Variants in RASSF3 observed in about 807,000 individuals in gnomAD.
RASSF3 encodes ras association domain-containing protein 3.
Under a neutral mutation model 19.9 loss-of-function variants are expected in RASSF3, and 19 were observed. The ratio of observed to expected loss-of-function variants is 0.96; its 90% confidence interval spans 0.67 to 1.40. The LOEUF (loss-of-function observed/expected upper bound fraction) is 1.40. Ranked by LOEUF, RASSF3 falls within the 40% of genes most tolerant of loss-of-function variation. RASSF3 has a pLI of 0.00. For synonymous variants in RASSF3, 110 were observed against 104.2 expected (o/e 1.06, Z -0.34); for missense variants, 306 against 289.8 (o/e 1.06, Z -0.41).
intron 2 of RASSF3, among the ~76,000 whole-genome samples, chr12:64,561,769 C>T (rs189763587): frequency 1.4e-5 from 2 of 140,206 alleles, no homozygotes; most frequent in East Asian, 2.1e-4. Flanking sequence ...CTCAGCTCAC[C>T]GCAACCTCCA....
chr12:64,684,721 G>T (rs972529211), intron 1 of RASSF3, 66 bp from the exon 2 acceptor site: 3 of 1,080,654 alleles, frequency 2.8e-6, no homozygotes, highest in Admixed American at 3.5e-5. Context: ...GTGAGCCACT[G>T]CGCCCGGCCT....
Position 64,539,299 on chromosome 12 carries a change from C to T in RASSF3, c.68-2282C>T, listed in dbSNP as rs1052243480. On this transcript the variant is annotated intron_variant, in intron 1 of 1. Transcript: ENST00000636333. The stretch of plus-strand genomic sequence containing the variant: ...ACTCTTCTTATAAAGCCACCGGTCT[C>T]ATCATGGGGGCCCTACCCTGATGGC... Among the ~76,000 whole-genome samples the T allele has an allele frequency of 2.6e-5, 4 of 152,180 alleles. No individual in the cohort carries two copies. In the East Asian group the frequency reaches 7.7e-4, roughly 29 times the overall value.
intron 1 of RASSF3, among the ~76,000 whole-genome samples, chr12:64,626,964 G>T (rs1342797505): frequency 1.3e-5 from 2 of 152,156 alleles, no homozygotes; most frequent in Admixed American, 1.3e-4. Context: ...TTTTAATTTT[G>T]GATCTGTTAT....
chr12:64,562,642 G>A (rs201553758), intron 2 of RASSF3, among the ~76,000 whole-genome samples: 17 of 74,840 alleles, frequency 2.3e-4, no homozygotes, highest in African/African-American at 5.4e-4. Context: ...TATTTTTGAG[G>A]CAGGGTCTTT....
rs939380515 is a variant in RASSF3 at position 64,675,055 on chromosome 12, C to CT, written c.112-9732_112-9731insT. ...TAAAATACCCACCTAGCCCCCCCCC[C>CT]CCCCGCCACCCCGGCTTCTTGCTTA... is the stretch of plus-strand genomic sequence containing the variant. On this transcript the variant is annotated intron_variant, in intron 1 of 4. Transcript: ENST00000542104. Among the ~76,000 whole-genome samples, 7 of 116,406 alleles carry CT rather than the reference C, an allele frequency of 6.0e-5. 1 individual carries two copies. Among genetic ancestry groups the CT allele is most frequent in the East Asian group, 5.1e-4 (2 of 3,902 alleles). The allele number at this position is 116,406 out of a possible 152,430, so 76.4% of individuals were successfully genotyped here. A position where few individuals can be genotyped will look rare whatever the true frequency, so the allele number is the denominator to read the frequency against.
At chr12:64,535,323 AAAAAC>A (rs1868801125) in intron 1 of RASSF3, among the ~76,000 whole-genome samples, 1 of 151,950 alleles carries the variant, frequency 6.6e-6, no homozygotes, top group African/African-American at 2.4e-5. Context: ...CTCTAAAAAA[AAAAAC>A]AAAATAAACA....
upstream of RASSF3, among the ~76,000 whole-genome samples, chr12:64,530,407 T>G (rs1868683527): frequency 1.3e-5 from 2 of 151,820 alleles, no homozygotes; most frequent in Non-Finnish European, 2.9e-5. Context: ...CCTCCCAAAG[T>G]GCTGGGATTA....
intron 1 of RASSF3, among the ~76,000 whole-genome samples, chr12:64,645,018 G>A (rs1183351379): frequency 2.6e-5 from 4 of 151,984 alleles, no homozygotes; most frequent in African/African-American, 9.7e-5. Flanking sequence ...CCATGATCAC[G>A]CCACTGCACT....
At chr12:64,531,556 T>C (rs1481838585), upstream of RASSF3, among the ~76,000 whole-genome samples, 1 of 152,276 alleles carries the variant, frequency 6.6e-6, no homozygotes, top group East Asian at 1.9e-4. Context: ...GAACATTTTT[T>C]TAACCTCACT....
intron 2 of RASSF3, among the ~76,000 whole-genome samples, chr12:64,561,326 G>A (rs1480027502): frequency 6.6e-6 from 1 of 152,178 alleles, no homozygotes; most frequent in African/African-American, 2.4e-5. Context: ...TGAAAGAAGA[G>A]AAACTTTAAA....
At chr12:64,546,117 A>AAC (rs1869049585), downstream of RASSF3, among the ~76,000 whole-genome samples, 1 of 151,330 alleles carries the variant, frequency 6.6e-6, no homozygotes, top group African/African-American at 2.4e-5. Context: ...AAAAAAAAAA[A>AAC]AAAGAATGCC....
At chr12:64,550,681 A>G (rs576747510) in intron 2 of RASSF3, among the ~76,000 whole-genome samples, 2 of 151,886 alleles carry the variant, frequency 1.3e-5, no homozygotes, top group East Asian at 3.9e-4. Flanking sequence ...AAAGGAGGCC[A>G]GGAGTGGTGG....
At chr12:64,622,433 C>T (rs888487988) in intron 1 of RASSF3, 13 of 517,138 alleles carry the variant, frequency 2.5e-5, no homozygotes, top group Non-Finnish European at 4.7e-5. Flanking sequence ...AAACCTTACC[C>T]ACCAAAGATA....
chr12:64,654,588 T>G (rs1274707169), intron 1 of RASSF3, among the ~76,000 whole-genome samples: 2 of 138,282 alleles, frequency 1.4e-5, no homozygotes, highest in African/African-American at 5.4e-5. Context: ...GTGGATCGCT[T>G]GAACCCAGGG....
chr12:64,677,139 A>T (rs1364274282), intron 1 of RASSF3, among the ~76,000 whole-genome samples: 1 of 152,088 alleles, frequency 6.6e-6, no homozygotes, highest in Non-Finnish European at 1.5e-5. Flanking sequence ...TTCTTCATTT[A>T]CACCTCTGTC....
intron 2 of RASSF3, among the ~76,000 whole-genome samples, chr12:64,602,813 G>A (rs567851167): frequency 6.6e-6 from 1 of 151,744 alleles, no homozygotes; most frequent in African/African-American, 2.4e-5. Flanking sequence ...CCCAAACTCA[G>A]GGTGTAGGCC....
chr12:64,551,084 G>C (rs1448214858), intron 2 of RASSF3, among the ~76,000 whole-genome samples: 1 of 152,076 alleles, frequency 6.6e-6, no homozygotes. Flanking sequence ...ACCAGAGGAA[G>C]ATGTTAGGAA....
At chr12:64,666,700 G>T (rs993285905) in intron 1 of RASSF3, among the ~76,000 whole-genome samples, 3 of 152,094 alleles carry the variant, frequency 2.0e-5, no homozygotes, top group Non-Finnish European at 4.4e-5. Context: ...TTCCTTGGCA[G>T]TGCTCCCTTC....
intron 1 of RASSF3, among the ~76,000 whole-genome samples, chr12:64,614,403 C>T (rs573274303): frequency 9.2e-5 from 14 of 151,580 alleles, no homozygotes; most frequent in East Asian, 2.0e-4. Flanking sequence ...GCTGGGATTA[C>T]AGGCGTGAGC....
Sources: gnomAD v4.1 joint callset for allele counts (sites outside exome capture counted in the v4.1 genomes callset) on GRCh38, gnomAD v4.1.1 for gene constraint, MANE v1.5 for transcripts, NCBI Gene and HGNC (gene_info 2026-07-23, HGNC 2026-07-21) for gene names.